Variants in BDKRB2 observed in about 807,000 individuals in gnomAD.
BDKRB2 encodes B2 bradykinin receptor.
Under a neutral mutation model 4.0 loss-of-function variants are expected in BDKRB2, and 6 were observed. The observed-to-expected ratio is 1.49, with a 90% CI of 0.81 to 2.93. The LOEUF (loss-of-function observed/expected upper bound fraction) is 2.93, where lower values mean the gene tolerates loss of function less well. Ranked by LOEUF, BDKRB2 falls within the 30% of genes most tolerant of loss-of-function variation. The pLI is 0.00. For synonymous variants in BDKRB2, 225 were observed against 215.3 expected (o/e 1.05, Z -0.40); for missense variants, 478 against 520.1 (o/e 0.92, Z 0.79).
intron 1 of BDKRB2, among the ~76,000 whole-genome samples, chr14:96,206,622 C>T (rs879682453): frequency 6.6e-6 from 1 of 152,050 alleles, no homozygotes; most frequent in African/African-American, 2.4e-5. Flanking sequence ...TTGCACCAAC[C>T]GAATAGCTGT....
intron 1 of BDKRB2, among the ~76,000 whole-genome samples, chr14:96,226,719 G>A (rs1344220704): frequency 6.6e-6 from 1 of 152,082 alleles, no homozygotes; most frequent in Non-Finnish European, 1.5e-5. Context: ...CAGCCAAACT[G>A]GCTGTGTGTC....
chr14:96,234,046 T>C (rs549607071), intron 1 of BDKRB2: 1 of 152,234 alleles, frequency 6.6e-6, no homozygotes, highest in South Asian at 2.1e-4. Context: ...TCCAGAGAGA[T>C]GGAGATCCCA....
rs200247341 is a variant in BDKRB2, at chr14:96,242,187, C to G, written c.*683C>G. 2.0e-5 allele frequency: 3 copies of G among 152,254 alleles called. No homozygotes were observed. Among genetic ancestry groups the G allele is most frequent in the Non-Finnish European group, 4.4e-5 (3 of 68,076 alleles). 9.4% of individuals were successfully genotyped at this position (152,254 alleles called of 1,614,324 possible). ...GAGCCATCTCCATCTTGAAGGAACTCAAAGACTCAAGTGGGAACGACTGGG... is the reference window on the plus strand; with the variant it reads ...GAGCCATCTCCATCTTGAAGGAACTGAAAGACTCAAGTGGGAACGACTGGG... On this transcript the variant is annotated 3_prime_UTR_variant, in exon 3 of 3. Transcript: ENST00000554311.
intron 1 of BDKRB2, among the ~76,000 whole-genome samples, chr14:96,219,020 A>C (rs1274046821): frequency 6.6e-6 from 1 of 151,992 alleles, no homozygotes; most frequent in Non-Finnish European, 1.5e-5. Context: ...CAGAGCTGGC[A>C]CGGCCGGGCA....
intron 2 of BDKRB2, chr14:96,238,350 A>G (rs1186353188): frequency 4.6e-6 from 3 of 657,098 alleles, no homozygotes; most frequent in Middle Eastern, 7.6e-4. Flanking sequence ...CTCAGAAATC[A>G]CACACCATCC....
chr14:96,240,951 T>C lies in BDKRB2; in HGVS notation c.623T>C (p.Val208Ala), dbSNP rs1885272976. ...MKEYSDEGHNVTACVISYPSL... is the reference protein window; with the variant it reads ...MKEYSDEGHNATACVISYPSL... Reference sequence around the variant, plus strand: ...GAGTACAGCGATGAGGGCCACAACGTCACCGCTTGTGTCATCAGCTACCCA... The same window carrying C: ...GAGTACAGCGATGAGGGCCACAACGCCACCGCTTGTGTCATCAGCTACCCA... The change falls in exon 3 of 3, where the codon GTC becomes GCC. Residue 208 changes from valine to alanine, a missense_variant. Transcript: ENST00000554311. 1 of 1,592,602 alleles carries C rather than the reference T, an allele frequency of 6.3e-7. No homozygotes were observed.
intron 1 of BDKRB2, among the ~76,000 whole-genome samples, chr14:96,232,644 A>G (rs1890843573): frequency 6.6e-6 from 1 of 152,216 alleles, no homozygotes; most frequent in Non-Finnish European, 1.5e-5. Flanking sequence ...TTCGGGGACC[A>G]GCCAAGGCTC....
Position 96,241,680 on chromosome 14 carries a change from G to A in BDKRB2, c.*176G>A, listed in dbSNP as rs201223611. The A allele has an allele frequency of 1.8e-6, 2 of 1,115,744 alleles. No homozygotes were observed. Among genetic ancestry groups the A allele is most frequent in the East Asian group, 2.7e-5 (1 of 36,618 alleles). 69.1% of individuals were successfully genotyped at this position (1,115,744 alleles called of 1,614,324 possible). A position where few individuals can be genotyped will look rare whatever the true frequency, so the allele number is the denominator to read the frequency against. ...CCTGCCCAATTTTGCAGGGAGCATG[G>A]CTGTGAGGATGGGGTGAACTCACGC... On this transcript the variant is annotated 3_prime_UTR_variant, in exon 3 of 3. Coordinates refer to ENST00000554311, the MANE Select transcript of BDKRB2 (RefSeq NM_001379692.1).
intron 1 of BDKRB2, among the ~76,000 whole-genome samples, chr14:96,208,580 G>A (rs1414711998): frequency 6.6e-6 from 1 of 152,194 alleles, no homozygotes; most frequent in African/African-American, 2.4e-5. Context: ...CACTGCAGGA[G>A]CTCAGGTACC....
intron 1 of BDKRB2, among the ~76,000 whole-genome samples, chr14:96,216,373 G>A (rs1362054353): frequency 6.6e-6 from 1 of 152,084 alleles, no homozygotes; most frequent in African/African-American, 2.4e-5. Context: ...GCTCATGCCT[G>A]TAAATGAAGC....
At chr14:96,226,029 A>T (rs186752981) in intron 1 of BDKRB2, among the ~76,000 whole-genome samples, 2 of 152,124 alleles carry the variant, frequency 1.3e-5, no homozygotes, top group Admixed American at 1.3e-4. Flanking sequence ...TCCCAGCCTG[A>T]GCTGTTCCTT....
chr14:96,223,043 G>A (rs1423973544), intron 1 of BDKRB2: 2 of 714,128 alleles, frequency 2.8e-6, no homozygotes, highest in African/African-American at 3.5e-5. Flanking sequence ...GCAAGGAAGG[G>A]TGTGCTGTTG....
chr14:96,223,149 C>A lies in BDKRB2; in HGVS notation c.-39-13920C>A, dbSNP rs543719716. On this transcript the variant is annotated intron_variant, in intron 1 of 2. Coordinates refer to ENST00000554311, the MANE Select transcript of BDKRB2 (RefSeq NM_001379692.1). ...TTCACTATTCGGACAGATACGACGACGAGGAGTTTGAGTATCGACATGTCA... is the reference window on the plus strand; with the variant it reads ...TTCACTATTCGGACAGATACGACGAAGAGGAGTTTGAGTATCGACATGTCA... 11 of 1,251,438 alleles carry A rather than the reference C, an allele frequency of 8.8e-6. No homozygotes were observed. The Admixed American group carries it at 1.7e-4, about 19-fold the overall frequency. 77.5% of individuals were successfully genotyped at this position (1,251,438 alleles called of 1,614,324 possible).
chr14:96,211,705 C>G (rs1274388339), intron 1 of BDKRB2, among the ~76,000 whole-genome samples: 1 of 152,204 alleles, frequency 6.6e-6, no homozygotes, highest in Non-Finnish European at 1.5e-5. Flanking sequence ...AAGCCAGGCA[C>G]AGGGATTGAA....
intron 1 of BDKRB2, among the ~76,000 whole-genome samples, chr14:96,213,444 T>G (rs1890347005): frequency 6.6e-6 from 1 of 151,958 alleles, no homozygotes; most frequent in Non-Finnish European, 1.5e-5. Flanking sequence ...AGGAGCCATG[T>G]GGCAGGATCT....
rs771538690 is a variant in BDKRB2, at chr14:96,240,457, C to T, written c.129C>T (p.Ala43=). 8.6e-6 allele frequency: 13 copies of T among 1,510,528 alleles called. No individual in the cohort carries two copies. Among genetic ancestry groups the T allele is most frequent in the Non-Finnish European group, 9.7e-6 (11 of 1,131,018 alleles). The allele number at this position is 1,510,528 out of a possible 1,614,324, so 93.6% of individuals were successfully genotyped here. ...GGCCCACTCTTAACGGGACCTTTGC[C>T]CAGAGCAAATGCCCCCAAGTGGAGT... ...LQGPTLNGTF[A]QSKCPQVEWL... The change falls in exon 3 of 3, where the codon GCC becomes GCT. Residue 43 remains alanine (A), a synonymous_variant. Transcript: ENST00000554311.
intron 1 of BDKRB2, among the ~76,000 whole-genome samples, chr14:96,217,538 C>G (rs926897325): frequency 1.3e-4 from 20 of 152,260 alleles, no homozygotes; most frequent in African/African-American, 4.6e-4. Flanking sequence ...CAGATGGACG[C>G]TGGCTCCATG....
chr14:96,235,584 C>G (rs895335633), intron 1 of BDKRB2, among the ~76,000 whole-genome samples: 1 of 152,076 alleles, frequency 6.6e-6, no homozygotes, highest in African/African-American at 2.4e-5. Context: ...CAAACCTTTT[C>G]CAGGTGTTAA....
In BDKRB2 at chr14:96,241,078, G is replaced by T; in HGVS notation, c.750G>T (p.Val250=). 1 of 1,614,044 alleles carries T rather than the reference G, an allele frequency of 6.2e-7. No homozygotes were observed. The highest frequency in any genetic ancestry group is 1.1e-5 in the South Asian group (1 of 91,084). Residue 250 remains valine, a synonymous_variant, in exon 3 of 3, where the codon GTG becomes GTT. Coordinates refer to ENST00000554311, the MANE Select transcript of BDKRB2 (RefSeq NM_001379692.1). ...ITFCTMQIMQ[V]LRNNEMQKFK... The stretch of plus-strand genomic sequence containing the variant: ...TCTGCACGATGCAGATCATGCAGGT[G>T]CTGCGGAACAACGAGATGCAGAAGT...
Sources: allele counts gnomAD v4.1 joint callset (sites outside exome capture counted in the v4.1 genomes callset), GRCh38; gene constraint gnomAD v4.1.1; transcripts MANE v1.5; gene names NCBI Gene and HGNC (gene_info 2026-07-23, HGNC 2026-07-21).